Variants in CYP27C1 observed in about 807,000 individuals in gnomAD.
CYP27C1 encodes the protein cytochrome P450 27C1.
Under a neutral mutation model 40.6 loss-of-function variants are expected in CYP27C1, and 29 were observed. The observed-to-expected ratio is 0.71, with a 90% CI of 0.53 to 0.97. The LOEUF (loss-of-function observed/expected upper bound fraction) is 0.97, where lower values mean the gene tolerates loss of function less well. CYP27C1 is among the 50% of genes least tolerant of loss of function. CYP27C1 has a pLI of 0.00. For synonymous variants in CYP27C1, 198 were observed against 186.8 expected, an observed-to-expected ratio of 1.06 and a Z score of -0.49; for missense variants, 390 against 485.8, an observed-to-expected ratio of 0.80 and a Z score of 1.85.
At chr2:127,188,228 T>A (rs1168678321) in intron 8 of CYP27C1, among the ~76,000 whole-genome samples, 3 of 152,108 alleles carry the variant, frequency 2.0e-5, no homozygotes, top group Non-Finnish European at 4.4e-5. Flanking sequence ...CCTTCCTCTC[T>A]GTCCAGCTTT....
chr2:127,213,832 G>A (rs1683379177), intron 1 of CYP27C1, among the ~76,000 whole-genome samples: 1 of 152,012 alleles, frequency 6.6e-6, no homozygotes, highest in South Asian at 2.1e-4. Flanking sequence ...AAATTAAAGA[G>A]TTCCTGCACA....
At chr2:127,214,512 C>T (rs1683390570) in intron 1 of CYP27C1, among the ~76,000 whole-genome samples, 1 of 152,154 alleles carries the variant, frequency 6.6e-6, no homozygotes, top group Non-Finnish European at 1.5e-5. Context: ...AGATCATGTC[C>T]TTTGCAGGGA....
chr2:127,190,491 C>T (rs1223061800), intron 8 of CYP27C1, among the ~76,000 whole-genome samples: 3 of 150,460 alleles, frequency 2.0e-5, no homozygotes, highest in Admixed American at 2.0e-4. Flanking sequence ...TATAGGCACC[C>T]GCCACCAGGC....
At chr2:127,199,653 G>A in intron 4 of CYP27C1, 114 bp from the exon 5 acceptor site, 1 of 1,179,108 alleles carries the variant, frequency 8.5e-7, no homozygotes, top group Admixed American at 3.0e-5. Flanking sequence ...GGTGACAGAG[G>A]GTAAGGAAAC....
At chr2:127,190,337 T>C (rs199926976) in intron 8 of CYP27C1, among the ~76,000 whole-genome samples, 1 of 114,202 alleles carries the variant, frequency 8.8e-6, no homozygotes, top group Non-Finnish European at 1.7e-5. Context: ...TTCTCTTTTT[T>C]TTTTCTTTTT....
Position 127,201,384 on chromosome 2 carries a change from A to G in CYP27C1, c.674-53T>C, listed in dbSNP as rs1240635853. The G allele has an allele frequency of 2.6e-6, 4 of 1,554,472 alleles. No individual in the cohort carries two copies. In the East Asian group the frequency reaches 6.8e-5, roughly 26 times the overall value. On this transcript the variant is annotated intron_variant, in intron 3 of 8. Transcript: ENST00000664447. This position sits in a 1 kb window ranked among gnomAD's most constrained non-coding sequence, Gnocchi z 6.0. Reference sequence around the variant, plus strand: ...CTCTTCTAGATTATTTACCATACCAACAGGCAATGTTGGGCCATAAATGCA... The same window carrying G: ...CTCTTCTAGATTATTTACCATACCAGCAGGCAATGTTGGGCCATAAATGCA...
chr2:127,206,535 T>G (rs1683233354), intron 1 of CYP27C1, among the ~76,000 whole-genome samples: 1 of 152,190 alleles, frequency 6.6e-6, no homozygotes, highest in African/African-American at 2.4e-5. Context: ...CTCGAACTCT[T>G]GGCCTCAAGT....
At position 127,199,377 on chromosome 2, in the gene CYP27C1, G is replaced by A. The variant is rs749215631; in HGVS notation, c.1046C>T (p.Thr349Met). Reference sequence around the variant, plus strand: ...TGAGAACAGGACCCCCAGACTCACCGTGTCGACGCCGGCCAGCAGCATCTC... The same window carrying A: ...TGAGAACAGGACCCCCAGACTCACCATGTCGACGCCGGCCAGCAGCATCTC... The part of the protein sequence containing the change: ...VTEMLLAGVD[T>M]TSFTLSWTVY... Residue 349 changes from threonine (T) to methionine (M), a missense_variant and splice_region_variant, in exon 5 of 9, where the codon ACG becomes ATG. Physicochemically the swap from Thr to Met is moderately conservative, Grantham distance 81. Coordinates refer to ENST00000664447, the MANE Select transcript of CYP27C1 (RefSeq NM_001367502.1). The A allele has an allele frequency of 7.4e-6, 12 of 1,613,832 alleles. No individual in the cohort carries two copies. Among genetic ancestry groups the A allele is most frequent in the East Asian group, 2.2e-5 (1 of 44,892 alleles).
intron 2 of CYP27C1, among the ~76,000 whole-genome samples, chr2:127,204,982 AG>A (rs1683192168): frequency 6.6e-6 from 1 of 152,236 alleles, no homozygotes; most frequent in Non-Finnish European, 1.5e-5. Context: ...AAGCTAAGCC[AG>A]CCCGGCGCCT....
At chr2:127,204,694 C>T (rs1683186551) in intron 2 of CYP27C1, among the ~76,000 whole-genome samples, 1 of 152,092 alleles carries the variant, frequency 6.6e-6, no homozygotes, top group Non-Finnish European at 1.5e-5. Flanking sequence ...GGGTGTGGGG[C>T]CTTGGGGCTC....
At chr2:127,213,584 A>C (rs1051171170) in intron 1 of CYP27C1, among the ~76,000 whole-genome samples, 5 of 152,240 alleles carry the variant, frequency 3.3e-5, no homozygotes, top group African/African-American at 1.2e-4. Flanking sequence ...CCTATTCAGT[A>C]TATGGTGCTG....
chr2:127,199,337 T>C, intron 5 of CYP27C1, 39 bp downstream of exon 5: 1 of 1,605,976 alleles, frequency 6.2e-7, no homozygotes, highest in Non-Finnish European at 8.5e-7. Context: ...GAAGGGGTTA[T>C]CGTGTGTTGC....
In CYP27C1 at chr2:127,199,457, T is replaced by C; in HGVS notation, c.966A>G (p.Thr322=). Residue 322 remains threonine, a synonymous_variant, in exon 5 of 9, where the codon ACA becomes ACG. Transcript: ENST00000664447. ...RGRRVSGGLL[T]YLFLSQALTL... ...TCAGAGCCTGGCTAAGGAAGAGGTATGTGAGAAGTCCCCCGCTCACCCTCC... is the reference window on the plus strand; with the variant it reads ...TCAGAGCCTGGCTAAGGAAGAGGTACGTGAGAAGTCCCCCGCTCACCCTCC... 1 of 1,614,206 alleles carries C rather than the reference T, an allele frequency of 6.2e-7. No individual in the cohort carries two copies. Among genetic ancestry groups the C allele is most frequent in the Non-Finnish European group, 8.5e-7 (1 of 1,180,026 alleles).
chr2:127,205,243 C>T (rs1376809955), intron 2 of CYP27C1, among the ~76,000 whole-genome samples: 3 of 152,206 alleles, frequency 2.0e-5, no homozygotes, highest in Non-Finnish European at 4.4e-5. Flanking sequence ...GGTCACGATT[C>T]TTATTTATCT....
rs1180270738 is a variant in CYP27C1 at position 127,184,853 on chromosome 2, C to T, written c.*2418G>A. On this transcript the variant is annotated 3_prime_UTR_variant, in exon 9 of 9. Transcript: ENST00000664447. ...TGTGTTTGTTTGTTATGAAGTCTTG[C>T]TCTGTCACCCAGGCTGGAGTGTAAT... is the stretch of plus-strand genomic sequence containing the variant. 1.3e-5 allele frequency: 2 copies of T among 152,328 alleles called. No homozygotes were observed. The highest frequency in any genetic ancestry group is 3.9e-4 in the East Asian group (2 of 5,188). 9.4% of individuals were successfully genotyped at this position (152,328 alleles called of 1,614,324 possible).
At position 127,187,198 on chromosome 2, in the gene CYP27C1, A is replaced by G. The variant is rs1682644181; in HGVS notation, c.*73T>C. ...GACATCGCTTTCCTTCTCCACGGTG[A>G]TCAGCGAACACAAATACCCACTGTG... On this transcript the variant is annotated 3_prime_UTR_variant, in exon 9 of 9. Transcript: ENST00000664447. 2.3e-5 allele frequency: 26 copies of G among 1,153,614 alleles called. No homozygotes were observed. The highest frequency in any genetic ancestry group is 3.1e-5 in the Non-Finnish European group (25 of 815,652). 71.5% of individuals were successfully genotyped at this position (1,153,614 alleles called of 1,614,324 possible).
intron 6 of CYP27C1, among the ~76,000 whole-genome samples, chr2:127,194,885 G>C (rs147261623): frequency 0.016 from 2,341 of 147,818 alleles, 53 homozygotes; most frequent in African/African-American, 0.057. Context: ...CTGTTGCCCA[G>C]GCTGGAGTGC....
chr2:127,204,598 A>AAGCAAGCAAGCAAGC (rs1558931503), intron 2 of CYP27C1, among the ~76,000 whole-genome samples: 1 of 98,204 alleles, frequency 1.0e-5, no homozygotes, highest in Non-Finnish European at 2.0e-5. Context: ...AGAAAGAAAG[A>AAGCAAGCAAGCAAGC]AAGAAAGAAA....
At chr2:127,193,736 C>T in intron 7 of CYP27C1, 53 bp downstream of exon 7, 1 of 1,593,450 alleles carries the variant, frequency 6.3e-7, no homozygotes, top group Non-Finnish European at 8.6e-7. Context: ...GAAGCAGATT[C>T]CAATTCAACC....
Sources: gnomAD v4.1 joint callset for allele counts (sites outside exome capture counted in the v4.1 genomes callset) on GRCh38, gnomAD v4.1.1 for gene constraint, Gnocchi (gnomAD v3.1) non-coding constraint, MANE v1.5 for transcripts, NCBI Gene and HGNC (gene_info 2026-07-23, HGNC 2026-07-21) for gene names.